CX3CR1: variants seen among roughly 807,000 people sequenced by gnomAD.
CX3CR1 encodes the protein C-X3-C motif chemokine receptor 1.
For missense variants in CX3CR1, 363 were observed against 432.4 expected, an observed-to-expected ratio of 0.84 and a Z score of 1.42; for synonymous variants, 168 against 178.5, an observed-to-expected ratio of 0.94 and a Z score of 0.47.
At chr3:39,288,884 G>T in the CX3CR1 span, among the ~76,000 whole-genome samples, 30 of 152,338 alleles carry the variant, frequency 2.0e-4, no homozygotes, top group South Asian at 6.2e-4. Flanking sequence ...ATCAGGGCAG[G>T]CCGGGCACAG....
chr3:39,281,255 A>G, upstream of CX3CR1: 1 of 1,062,822 alleles, frequency 9.4e-7, no homozygotes. Context: ...CTTTGGCCAG[A>G]AGGCCACAGG....
At chr3:39,288,104 C>T in the CX3CR1 span, among the ~76,000 whole-genome samples, 1 of 152,032 alleles carries the variant, frequency 6.6e-6, no homozygotes, top group African/African-American at 2.4e-5. Context: ...ATTTTTAAAC[C>T]TCAGTATGTT....
the CX3CR1 span, among the ~76,000 whole-genome samples, chr3:39,288,202 C>T: frequency 0.017 from 2,591 of 152,300 alleles, 68 homozygotes; most frequent in African/African-American, 0.058. Flanking sequence ...CCATATACTG[C>T]TTAATAGTTA....
upstream of CX3CR1, chr3:39,280,084 T>C (rs562076926): frequency 9.5e-4 from 926 of 976,858 alleles, no homozygotes; most frequent in Non-Finnish European, 1.1e-3. Context: ...TAGCCAATAG[T>C]ATCTTGTTTC....
At position 39,266,389 on chromosome 3, in the gene CX3CR1, T is replaced by C. The variant is rs2040700814; in HGVS notation, c.121A>G (p.Ile41Val). 6.2e-7 allele frequency: 1 copy of C among 1,614,180 alleles called. No homozygotes were observed. Among genetic ancestry groups the C allele is most frequent in the Non-Finnish European group, 8.5e-7 (1 of 1,180,028 alleles). ...TTTCCCACCAGGCCAATGGCAAAGA[T>C]GACGGAGTAGAATATGGACAGGAAC... ...TVFLSIFYSVIFAIGLVGNLL... is the reference protein window; with the variant it reads ...TVFLSIFYSVVFAIGLVGNLL... Residue 41 changes from isoleucine (I) to valine (V), a missense_variant, in exon 2 of 2, where the codon ATC becomes GTC. Ile to Val is a conservative substitution (Grantham distance 29). Coordinates refer to ENST00000399220, the MANE Select transcript of CX3CR1 (RefSeq NM_001337.4).
At position 39,271,049 on chromosome 3, in the gene CX3CR1, A is replaced by C. The variant is rs190710842; in HGVS notation, c.-9-4531T>G. Among the ~76,000 whole-genome samples the C allele has an allele frequency of 1.2e-3, 190 of 152,264 alleles. 1 individual carries two copies. The highest frequency in any genetic ancestry group is 3.7e-3 in the East Asian group (19 of 5,182). The stretch of plus-strand genomic sequence containing the variant: ...GGGCCCAGATGTGTTCGGCCTCAGC[A>C]CTTTTTTTTAACTTCACATTACAGC... On this transcript the variant is annotated intron_variant, in intron 1 of 1. Coordinates refer to ENST00000399220, the MANE Select transcript of CX3CR1 (RefSeq NM_001337.4).
chr3:39,279,831 G>A (rs1228462497), intron 1 of CX3CR1, 123 bp downstream of exon 1: 1 of 270,822 alleles, frequency 3.7e-6, no homozygotes, highest in Non-Finnish European at 5.7e-6. Flanking sequence ...ACATATTTAG[G>A]CTACAACATC....
chr3:39,269,378 C>T (rs2040746446), intron 1 of CX3CR1, among the ~76,000 whole-genome samples: 1 of 152,106 alleles, frequency 6.6e-6, no homozygotes, highest in Non-Finnish European at 1.5e-5. Flanking sequence ...TAATTTGCAC[C>T]AAGTCTCCAT....
chr3:39,282,056 T>C (rs1248328529), upstream of CX3CR1, among the ~76,000 whole-genome samples: 1 of 152,174 alleles, frequency 6.6e-6, no homozygotes, highest in Non-Finnish European at 1.5e-5. Context: ...AACGTGCCAT[T>C]TTATAGCAAG....
chr3:39,266,964 A>C (rs1053063146), intron 1 of CX3CR1, among the ~76,000 whole-genome samples: 1 of 151,960 alleles, frequency 6.6e-6, no homozygotes, highest in Non-Finnish European at 1.5e-5. Flanking sequence ...TTGTATTTTT[A>C]GTAGAGATGG....
rs1188983666 is a variant in CX3CR1 at position 39,280,001 on chromosome 3, C to G, written c.-57G>C. On this transcript the variant is annotated 5_prime_UTR_variant, in exon 1 of 2. Coordinates refer to ENST00000399220, the MANE Select transcript of CX3CR1 (RefSeq NM_001337.4). Reference sequence around the variant, plus strand: ...CCTCTGGATCTGCCAGTCAGCCACCCTGTCCTGCTCAGACTTTACCAGAGA... The same window carrying G: ...CCTCTGGATCTGCCAGTCAGCCACCGTGTCCTGCTCAGACTTTACCAGAGA... 1.0e-6 allele frequency: 1 copy of G among 985,574 alleles called. No individual in the cohort carries two copies. Among genetic ancestry groups the G allele is most frequent in the East Asian group, 1.1e-4 (1 of 8,822 alleles). 61.1% of individuals were successfully genotyped at this position (985,574 alleles called of 1,614,324 possible). A position where few individuals can be genotyped will look rare whatever the true frequency, so the allele number is the denominator to read the frequency against.
upstream of CX3CR1, among the ~76,000 whole-genome samples, chr3:39,283,141 G>A (rs958350866): frequency 1.3e-5 from 2 of 152,104 alleles, no homozygotes; most frequent in East Asian, 1.9e-4. Context: ...TCCTTCTGCC[G>A]CAGCCTCCCA....
intron 1 of CX3CR1, 72 bp downstream of exon 1, chr3:39,279,882 G>A (rs41376750): frequency 0.019 from 12,478 of 645,320 alleles, 314 homozygotes; most frequent in African/African-American, 0.11. Flanking sequence ...TAAGCAAACA[G>A]GCATTATTAA....
chr3:39,275,321 A>G (rs1478543968), intron 1 of CX3CR1, among the ~76,000 whole-genome samples: 2 of 152,196 alleles, frequency 1.3e-5, no homozygotes, highest in African/African-American at 4.8e-5. Flanking sequence ...TAGTGCTTCT[A>G]TCTCTTAGTT....
At chr3:39,273,915 C>T (rs56399306) in intron 1 of CX3CR1, among the ~76,000 whole-genome samples, 361 of 152,290 alleles carry the variant, frequency 2.4e-3, no homozygotes, top group African/African-American at 8.1e-3. Flanking sequence ...CAGGTGTGAG[C>T]CATCATGCCT....
chr3:39,284,224 A>C (rs2125558798), upstream of CX3CR1, among the ~76,000 whole-genome samples: 1 of 151,924 alleles, frequency 6.6e-6, no homozygotes, highest in African/African-American at 2.4e-5. Context: ...TACTCCCATC[A>C]CCCAGGCAGA....
At chr3:39,289,068 C>T in the CX3CR1 span, among the ~76,000 whole-genome samples, 1 of 151,942 alleles carries the variant, frequency 6.6e-6, no homozygotes, top group Non-Finnish European at 1.5e-5. Context: ...GCAGGAGAAT[C>T]ACTTGAACCC....
At chr3:39,274,410 C>T (rs56391246) in intron 1 of CX3CR1, among the ~76,000 whole-genome samples, 11,407 of 146,114 alleles carry the variant, frequency 0.078, 579 homozygotes, top group Non-Finnish European at 0.11. Flanking sequence ...TCTAGAACAG[C>T]ATGGCATTGT....
chr3:39,270,873 A>G (rs2040767023), intron 1 of CX3CR1, among the ~76,000 whole-genome samples: 1 of 152,254 alleles, frequency 6.6e-6, no homozygotes, highest in Non-Finnish European at 1.5e-5. Context: ...AAAATGAGTA[A>G]CTTAGTACAA....
Sources: gnomAD v4.1 joint callset for allele counts (sites outside exome capture counted in the v4.1 genomes callset) on GRCh38, gnomAD v4.1.1 for gene constraint, MANE v1.5 for transcripts, NCBI Gene and HGNC (gene_info 2026-07-23, HGNC 2026-07-21) for gene names.